The following JADE1 variants were observed in gnomAD, a reference collection of about 807,000 sequenced individuals.
JADE1 encodes protein Jade-1.
JADE1 carries 14 observed loss-of-function variants against 81.8 expected under a neutral mutation model. The observed-to-expected ratio is 0.17, with a 90% confidence interval of 0.11 to 0.27. JADE1 has a LOEUF of 0.27. JADE1 is among the 10% of genes least tolerant of loss of function. The pLI is 1.00. For synonymous variants in JADE1, 353 were observed against 391.9 expected (o/e 0.90, Z 1.17); for missense variants, 690 against 1,047.9 (o/e 0.66, Z 4.71).
intron 8 of JADE1, among the ~76,000 whole-genome samples, chr4:128,858,059 C>CT (rs1266244095): frequency 6.6e-6 from 1 of 152,128 alleles, no homozygotes; most frequent in African/African-American, 2.4e-5. Flanking sequence ...ATTTGGATGT[C>CT]TGATTCTTTA....
At position 128,855,621 on chromosome 4, in the gene JADE1, G is replaced by T. The variant is rs771645202; in HGVS notation, c.697-9G>T. On this transcript the variant is annotated splice_polypyrimidine_tract_variant and intron_variant, in intron 6 of 10. Transcript: ENST00000226319. ...CTCTATTCCTCTGGGATGTGCCGTG[G>T]CATCACAGGCCTGTTATGGAATCCT... 1.2e-6 allele frequency: 2 copies of T among 1,601,004 alleles called. No individual in the cohort carries two copies. The highest frequency in any genetic ancestry group is 1.7e-6 in the Non-Finnish European group (2 of 1,171,716).
rs200711401 is a variant in JADE1, at chr4:128,867,817, T to C, written c.1504-39T>C. 1.8e-5 allele frequency: 24 copies of C among 1,333,296 alleles called. No homozygotes were observed. The Admixed American group carries it at 4.1e-4, about 23-fold the overall frequency. The allele number at this position is 1,333,296 out of a possible 1,614,324, so 82.6% of individuals were successfully genotyped here. On this transcript the variant is annotated intron_variant, in intron 9 of 10. Coordinates refer to ENST00000226319, the MANE Select transcript of JADE1 (RefSeq NM_199320.4). ...AAAAAGCACCAAAGTACTGTTATAC[T>C]GTATTGCTTACTTAGAATCTTTATT...
intron 10 of JADE1, among the ~76,000 whole-genome samples, chr4:128,868,287 T>C (rs1731930938): frequency 6.6e-6 from 1 of 151,996 alleles, no homozygotes; most frequent in Non-Finnish European, 1.5e-5. Context: ...ATTGAGAGAC[T>C]AAAATGAAAC....
At chr4:128,863,284 C>T (rs1731516265) in intron 9 of JADE1, 2 of 985,556 alleles carry the variant, frequency 2.0e-6, no homozygotes, top group South Asian at 9.4e-5. Context: ...CTTCTTAGAG[C>T]ATCTTCCACA....
intron 1 of JADE1, among the ~76,000 whole-genome samples, chr4:128,820,340 G>A (rs1316984318): frequency 6.6e-6 from 1 of 152,090 alleles, no homozygotes; most frequent in Non-Finnish European, 1.5e-5. Flanking sequence ...TTGAACTCCT[G>A]ACCTCAAGTG....
At chr4:128,820,661 A>C (rs994663537) in intron 1 of JADE1, among the ~76,000 whole-genome samples, 1 of 151,882 alleles carries the variant, frequency 6.6e-6, no homozygotes, top group Non-Finnish European at 1.5e-5. Context: ...TAGGTTTTCA[A>C]ATATACAACA....
At chr4:128,850,323 A>AAG (rs1730244046) in intron 5 of JADE1, among the ~76,000 whole-genome samples, 1 of 151,308 alleles carries the variant, frequency 6.6e-6, no homozygotes, top group Non-Finnish European at 1.5e-5. Context: ...AAAAAAAAAA[A>AAG]AAAATCACAA....
At chr4:128,850,186 C>A (rs1457748946) in intron 5 of JADE1, among the ~76,000 whole-genome samples, 1 of 150,900 alleles carries the variant, frequency 6.6e-6, no homozygotes, top group Admixed American at 6.6e-5. Flanking sequence ...CCCAGCCACT[C>A]AGGAGGCTGA....
At chr4:128,863,702 C>T (rs1731556162) in intron 9 of JADE1, 1 of 985,318 alleles carries the variant, frequency 1.0e-6, no homozygotes, top group Non-Finnish European at 1.2e-6. Flanking sequence ...CTTTGCCTCT[C>T]ACAACTACAT....
chr4:128,866,286 A>T (rs903335062), intron 9 of JADE1, among the ~76,000 whole-genome samples: 4 of 152,254 alleles, frequency 2.6e-5, no homozygotes, highest in African/African-American at 9.6e-5. Flanking sequence ...AATTTAAAAT[A>T]AGACAGGAAA....
rs1256579478 is a variant in JADE1, at chr4:128,846,867, C to G, written c.296+335C>G. ...TTGGGTGTTCACACGTCTGCATCCT[C>G]TTTTCCTGCCCTCCGTATTCGCTCT... On this transcript the variant is annotated intron_variant, in intron 4 of 10. Transcript: ENST00000226319. This position sits in a 1 kb window ranked among gnomAD's most constrained non-coding sequence, Gnocchi z 4.0. Among the ~76,000 whole-genome samples, 3 of 152,150 alleles carry G rather than the reference C, an allele frequency of 2.0e-5. No individual in the cohort carries two copies.
intron 1 of JADE1, among the ~76,000 whole-genome samples, chr4:128,812,796 C>G (rs111602489): frequency 6.6e-6 from 1 of 152,256 alleles, no homozygotes; most frequent in Admixed American, 6.5e-5. Flanking sequence ...CTTACTTCGG[C>G]AGGGGCGAGG....
At chr4:128,814,719 G>A (rs1726839011) in intron 1 of JADE1, among the ~76,000 whole-genome samples, 2 of 151,892 alleles carry the variant, frequency 1.3e-5, no homozygotes, top group Admixed American at 6.5e-5. Context: ...CCGCCACCAC[G>A]CCCAGCTAAT....
At chr4:128,816,745 G>A (rs576270805) in intron 1 of JADE1, among the ~76,000 whole-genome samples, 1 of 152,290 alleles carries the variant, frequency 6.6e-6, no homozygotes, top group African/African-American at 2.4e-5. Flanking sequence ...AACGAATTCA[G>A]TATTTACTTT....
rs367892292 is a variant in JADE1, at chr4:128,814,044, G to GA, written c.-27+4179dup. On this transcript the variant is annotated intron_variant, in intron 1 of 10. Coordinates refer to ENST00000226319, the MANE Select transcript of JADE1 (RefSeq NM_199320.4). The stretch of plus-strand genomic sequence containing the variant: ...AAGGTAGATATGTGTTCATTTAAAA[G>GA]AAAAAAAAAAAACCCACCTTCTTAG... 3.5e-3 allele frequency among the ~76,000 whole-genome samples: 496 copies of GA among 140,296 alleles called. 1 individual carries two copies. Among genetic ancestry groups the GA allele is most frequent in the African/African-American group, 3.4e-3 (132 of 38,628 alleles). The allele number at this position is 140,296 out of a possible 152,430, so 92.0% of individuals were successfully genotyped here. A position where few individuals can be genotyped will look rare whatever the true frequency, so the allele number is the denominator to read the frequency against.
intron 10 of JADE1, among the ~76,000 whole-genome samples, chr4:128,869,390 T>C (rs1188723713): frequency 6.6e-6 from 1 of 152,330 alleles, no homozygotes; most frequent in East Asian, 1.9e-4. Context: ...TTTAACTGCC[T>C]TGGAAGACTG....
intron 9 of JADE1, among the ~76,000 whole-genome samples, chr4:128,865,776 G>C (rs1278787774): frequency 6.6e-6 from 1 of 152,140 alleles, no homozygotes. Flanking sequence ...CCATGGTGTG[G>C]TCAAAGCTAC....
At chr4:128,826,374 T>C (rs1426527710) in intron 1 of JADE1, among the ~76,000 whole-genome samples, 1 of 25,632 alleles carries the variant, frequency 3.9e-5, no homozygotes, top group African/African-American at 2.1e-4. Flanking sequence ...GTCTTTTTTT[T>C]TGAAACAGAG....
At chr4:128,859,358 T>C (rs765363062) in intron 8 of JADE1, among the ~76,000 whole-genome samples, 1 of 152,000 alleles carries the variant, frequency 6.6e-6, no homozygotes, top group Non-Finnish European at 1.5e-5. Context: ...TATTTGAGTA[T>C]GCGTGTGTGA....
Sources: gnomAD v4.1 joint callset for allele counts (sites outside exome capture counted in the v4.1 genomes callset) on GRCh38, gnomAD v4.1.1 for gene constraint, Gnocchi (gnomAD v3.1) non-coding constraint, MANE v1.5 for transcripts, NCBI Gene and HGNC (gene_info 2026-07-23, HGNC 2026-07-21) for gene names.